Variants in CORO7 observed in about 807,000 individuals in gnomAD.
The protein encoded by CORO7 is coronin-7.
A neutral mutation model predicts 126.6 loss-of-function variants in CORO7; 107 were observed. That is an observed-to-expected ratio of 0.85 (90% confidence interval 0.72 to 0.99). CORO7 has a LOEUF of 0.99. Among genes scored for constraint, CORO7 ranks in the 50% least tolerant of loss-of-function variants. CORO7 has a pLI of 0.00. For synonymous variants in CORO7, 603 were observed against 536.8 expected, an observed-to-expected ratio of 1.12 and a Z score of -1.70; for missense variants, 1,314 against 1,255.8, an observed-to-expected ratio of 1.05 and a Z score of -0.70.
At chr16:4,413,882 C>A (rs2056307848) in intron 1 of CORO7, among the ~76,000 whole-genome samples, 1 of 151,678 alleles carries the variant, frequency 6.6e-6, no homozygotes, top group African/African-American at 2.4e-5. Context: ...CTCACGAAGT[C>A]CCTTAGGAAA....
Position 4,354,710 on chromosome 16 carries a change from T to C in CORO7, c.*448A>G. On this transcript the variant is annotated 3_prime_UTR_variant, in exon 28 of 28. Transcript: ENST00000251166. ...GGTCCCAGGGCCCTGAGACTGGTGC[T>C]GCTCTAGAAGGCCTGGTGGGGGGCC... 1 of 185,646 alleles carries C rather than the reference T, an allele frequency of 5.4e-6. No homozygotes were observed. Among genetic ancestry groups the C allele is most frequent in the Non-Finnish European group, 1.1e-5 (1 of 90,124 alleles). 11.5% of individuals were successfully genotyped at this position (185,646 alleles called of 1,614,324 possible). A position where few individuals can be genotyped will look rare whatever the true frequency, so the allele number is the denominator to read the frequency against.
intron 7 of CORO7, 114 bp downstream of exon 7, chr16:4,395,175 G>T: frequency 6.8e-7 from 1 of 1,481,372 alleles, no homozygotes; most frequent in Non-Finnish European, 9.2e-7. Context: ...CCCTGGTGCT[G>T]CAGAACATGT....
chr16:4,414,856 T>C (rs2056347641), intron 1 of CORO7, among the ~76,000 whole-genome samples: 1 of 152,056 alleles, frequency 6.6e-6, no homozygotes, highest in African/African-American at 2.4e-5. Context: ...TCCTAACTTT[T>C]CTTGTTTGTT....
chr16:4,398,761 A>G (rs1376694125), intron 6 of CORO7, among the ~76,000 whole-genome samples: 3 of 151,544 alleles, frequency 2.0e-5, no homozygotes, highest in Admixed American at 6.6e-5. Flanking sequence ...CAAGGTCAGG[A>G]GTTCAAGACC....
intron 9 of CORO7, chr16:4,387,728 G>C (rs2141263683): frequency 1.8e-6 from 1 of 566,268 alleles, no homozygotes; most frequent in African/African-American, 1.9e-5. Flanking sequence ...TCAACCCCCA[G>C]CCATGAAACC....
chr16:4,381,965 C>A (rs1351587599), intron 9 of CORO7: 1 of 1,608,522 alleles, frequency 6.2e-7, no homozygotes, highest in Admixed American at 1.7e-5. Flanking sequence ...ACCACGAGGC[C>A]CGTGGTGCGG....
chr16:4,359,226 C>A, intron 23 of CORO7, 70 bp downstream of exon 23: 1 of 1,489,360 alleles, frequency 6.7e-7, no homozygotes, highest in Non-Finnish European at 9.0e-7. Context: ...CCTGTACTTG[C>A]CCACATGGCC....
chr16:4,381,124 C>G, intron 9 of CORO7: 1 of 1,610,222 alleles, frequency 6.2e-7, no homozygotes, highest in Non-Finnish European at 8.5e-7. Context: ...GCTCCTGGAC[C>G]TGTCACAGAA....
At chr16:4,378,675 A>G (rs1198479473) in intron 9 of CORO7, among the ~76,000 whole-genome samples, 1 of 151,968 alleles carries the variant, frequency 6.6e-6, no homozygotes, top group East Asian at 1.9e-4. Context: ...TTGGGGTGCT[A>G]ACTTCTTCCA....
At chr16:4,365,694 C>G in intron 9 of CORO7, 149 bp from the exon 10 acceptor site, 2 of 1,071,430 alleles carry the variant, frequency 1.9e-6, no homozygotes, top group Non-Finnish European at 2.7e-6. Context: ...GGAACCCCCT[C>G]CTCTTCCTGA....
chr16:4,369,756 G>C (rs528529411), intron 9 of CORO7, among the ~76,000 whole-genome samples: 213 of 152,192 alleles, frequency 1.4e-3, no homozygotes, highest in Non-Finnish European at 2.2e-3. Context: ...CAGACATTCT[G>C]CCATTGCGCC....
Position 4,361,983 on chromosome 16 carries a change from A to C in CORO7, c.1578+2T>G, listed in dbSNP as rs777528112. ...GCAGCCCTGGTGGGGTGGGGCCCTC[A>C]CCTCAAGCACAGCCACCTGTCCCCC... On this transcript the variant is annotated splice_donor_variant, in intron 16 of 27. Coordinates refer to ENST00000251166, the MANE Select transcript of CORO7 (RefSeq NM_024535.5). LOFTEE classifies it high-confidence loss of function. 6.9e-6 allele frequency: 11 copies of C among 1,601,946 alleles called. No individual in the cohort carries two copies.
chr16:4,361,189 G>C lies in CORO7; in HGVS notation c.1747C>G (p.Leu583Val), dbSNP rs2054167247. 1 of 1,612,588 alleles carries C rather than the reference G, an allele frequency of 6.2e-7. No individual in the cohort carries two copies. The highest frequency in any genetic ancestry group is 8.5e-7 in the Non-Finnish European group (1 of 1,179,996). ...RVPAEGLEEV[L>V]TTPETVLTGH... ...GTGAGCACAGTCTCTGGCGTGGTGA[G>C]CACCTCTTCCAGGCCCTCTGCGGGT... Residue 583 changes from leucine (L) to valine (V), a missense_variant, in exon 18 of 28, where the codon CTC becomes GTC. Leu to Val is a conservative substitution (Grantham distance 32). Coordinates refer to ENST00000251166, the MANE Select transcript of CORO7 (RefSeq NM_024535.5).
chr16:4,363,546 G>C (rs1432197243), intron 14 of CORO7, among the ~76,000 whole-genome samples: 2 of 148,012 alleles, frequency 1.4e-5, no homozygotes, highest in African/African-American at 5.0e-5. Context: ...CTCTACTAAA[G>C]ATACTAAAGA....
At position 4,362,193 on chromosome 16, in the gene CORO7, G is replaced by T; in HGVS notation, c.1403-33C>A. On this transcript the variant is annotated intron_variant, in intron 15 of 27. Transcript: ENST00000251166. The surrounding 1 kb of genome is among the most constrained non-coding windows in gnomAD (Gnocchi z 5.3). ...GTGGCAGGGACATGGAACCACGTGT[G>T]AGGATGCCGTCCCCGCCCGCCCTGC... 2.5e-6 allele frequency: 4 copies of T among 1,590,512 alleles called. No homozygotes were observed. The South Asian group carries it at 4.5e-5, about 18-fold the overall frequency.
intron 24 of CORO7, 126 bp from the exon 25 acceptor site, chr16:4,358,229 A>C (rs1332232578): frequency 6.5e-7 from 1 of 1,531,684 alleles, no homozygotes; most frequent in East Asian, 2.3e-5. Context: ...CATGAGTTTC[A>C]GCATCTCAGC....
intron 5 of CORO7, 27 bp downstream of exon 5, chr16:4,407,474 G>T: frequency 6.4e-7 from 1 of 1,555,832 alleles, no homozygotes; most frequent in South Asian, 1.2e-5. Flanking sequence ...GGCTGCCCTG[G>T]GAAGGGCAGG....
At position 4,416,458 on chromosome 16, in the gene CORO7, C is replaced by A; in HGVS notation, c.60+1G>T. ...GCGCCCGGTCCTCGGGCCGGACTCA[C>A]CTCGCGGCGGGGCGGCCGAGCCTCG... On this transcript the variant is annotated splice_donor_variant, in intron 1 of 27. Transcript: ENST00000251166. LOFTEE classifies it high-confidence loss of function. The A allele has an allele frequency of 6.4e-7, 1 of 1,573,520 alleles. No homozygotes were observed. Among genetic ancestry groups the A allele is most frequent in the Non-Finnish European group, 8.6e-7 (1 of 1,163,980 alleles).
At chr16:4,355,439 G>A in intron 26 of CORO7, 67 bp from the exon 27 acceptor site, 1 of 1,471,194 alleles carries the variant, frequency 6.8e-7, no homozygotes, top group Non-Finnish European at 9.3e-7. Context: ...CCCACTCCAA[G>A]AACAACCCTG....
Sources: gnomAD v4.1 joint callset for allele counts (sites outside exome capture counted in the v4.1 genomes callset) on GRCh38, gnomAD v4.1.1 for gene constraint, Gnocchi (gnomAD v3.1) non-coding constraint, MANE v1.5 for transcripts, NCBI Gene and HGNC (gene_info 2026-07-23, HGNC 2026-07-21) for gene names.